The following CSMD1 variants were observed in gnomAD, a reference collection of about 807,000 sequenced individuals.
The protein encoded by CSMD1 is CUB and Sushi multiple domains 1.
In CSMD1, 213 loss-of-function variants were observed where a neutral mutation model predicts 417.5. That is an observed-to-expected ratio of 0.51 (90% CI 0.46 to 0.57). CSMD1 has a LOEUF of 0.57. Ranked by LOEUF, CSMD1 falls within the 20% of genes least tolerant of loss-of-function variation. CSMD1 has a pLI of 0.00. For missense variants in CSMD1, 6,923 were observed against 4,529.7 expected (o/e 1.53, Z -15.17); for synonymous variants, 2,862 against 1,736.8 (o/e 1.65, Z -16.11).
chr8:2,980,516 T>G (rs888663317), intron 54 of CSMD1, among the ~76,000 whole-genome samples: 1 of 152,166 alleles, frequency 6.6e-6, no homozygotes, highest in Non-Finnish European at 1.5e-5. Context: ...CATTTTCATC[T>G]TCTCTTTGGC....
intron 1 of CSMD1, among the ~76,000 whole-genome samples, chr8:4,983,190 T>C (rs1326362398): frequency 1.3e-5 from 2 of 152,190 alleles, no homozygotes; most frequent in African/African-American, 2.4e-5. Context: ...GCTAATTATG[T>C]TGACAAGTTC....
chr8:3,721,894 T>A (rs1350850865), intron 6 of CSMD1, among the ~76,000 whole-genome samples: 1 of 152,160 alleles, frequency 6.6e-6, no homozygotes, highest in Non-Finnish European at 1.5e-5. Flanking sequence ...GTTAAGTAGC[T>A]GACTGTCCAC....
At chr8:4,495,571 T>A (rs1286987974) in intron 2 of CSMD1, among the ~76,000 whole-genome samples, 2 of 138,058 alleles carry the variant, frequency 1.4e-5, no homozygotes, top group East Asian at 2.2e-4. Context: ...CAAGACTCCA[T>A]CTCAGAAAAA....
At chr8:4,003,847 A>ATTTAG (rs3031551) in intron 4 of CSMD1, among the ~76,000 whole-genome samples, 94,960 of 151,546 alleles carry the variant, frequency 0.63, 29,992 homozygotes, top group South Asian at 0.75. Flanking sequence ...TATGTGAACT[A>ATTTAG]TTTAATCACA....
At chr8:3,565,067 A>G (rs2116885066) in intron 10 of CSMD1, among the ~76,000 whole-genome samples, 1 of 141,258 alleles carries the variant, frequency 7.1e-6, no homozygotes, top group East Asian at 2.3e-4. Flanking sequence ...CTGCACATGG[A>G]CCCCTGAACT....
intron 1 of CSMD1, among the ~76,000 whole-genome samples, chr8:4,823,683 T>C (rs1007922182): frequency 6.6e-6 from 1 of 152,010 alleles, no homozygotes; most frequent in Non-Finnish European, 1.5e-5. Context: ...AAACAAGTAA[T>C]TCTCTATGGT....
chr8:3,145,043 T>TTG (rs34827109), intron 40 of CSMD1, among the ~76,000 whole-genome samples: 55,261 of 146,716 alleles, frequency 0.38, 12,733 homozygotes, highest in Non-Finnish European at 0.52. Flanking sequence ...GAGTAAAGAG[T>TTG]TGTGTGTGTG....
intron 5 of CSMD1, among the ~76,000 whole-genome samples, chr8:3,865,075 T>C (rs1261735719): frequency 6.6e-6 from 1 of 152,208 alleles, no homozygotes; most frequent in African/African-American, 2.4e-5. Flanking sequence ...ATGCCAACAG[T>C]GTTACTTTGG....
At chr8:3,452,873 AAT>A (rs1563052740) in intron 12 of CSMD1, among the ~76,000 whole-genome samples, 1 of 152,076 alleles carries the variant, frequency 6.6e-6, no homozygotes, top group Admixed American at 6.5e-5. Flanking sequence ...TATTGATTGG[AAT>A]AGTTTCAGAA....
chr8:3,391,300 T>C (rs1423075657), intron 17 of CSMD1, among the ~76,000 whole-genome samples: 1 of 152,216 alleles, frequency 6.6e-6, no homozygotes, highest in Non-Finnish European at 1.5e-5. Context: ...AAGTGATGAA[T>C]CTTTCTTCTG....
intron 10 of CSMD1, among the ~76,000 whole-genome samples, chr8:3,541,627 T>G (rs1027727919): frequency 6.7e-6 from 1 of 149,914 alleles, no homozygotes; most frequent in Non-Finnish European, 1.5e-5. Context: ...TTTTTACAGG[T>G]AGACGTTCTT....
intron 2 of CSMD1, among the ~76,000 whole-genome samples, chr8:4,436,789 A>AC (rs1464010724): frequency 6.6e-6 from 1 of 152,104 alleles, no homozygotes; most frequent in African/African-American, 2.4e-5. Context: ...TTCAGTGCCT[A>AC]CCTTATTTCA....
intron 3 of CSMD1, among the ~76,000 whole-genome samples, chr8:4,176,040 G>A (rs373832652): frequency 3.9e-5 from 6 of 152,240 alleles, no homozygotes; most frequent in East Asian, 3.9e-4. Flanking sequence ...GGGTTCCCAA[G>A]AAGCAGGAGC....
intron 12 of CSMD1, among the ~76,000 whole-genome samples, chr8:3,415,231 A>G (rs1813054370): frequency 6.6e-6 from 1 of 152,150 alleles, no homozygotes; most frequent in Non-Finnish European, 1.5e-5. Context: ...TTAATATACT[A>G]ATTACCTTAC....
At chr8:4,286,957 G>C (rs1797093043) in intron 3 of CSMD1, among the ~76,000 whole-genome samples, 1 of 152,156 alleles carries the variant, frequency 6.6e-6, no homozygotes, top group South Asian at 2.1e-4. Context: ...ATTCCATAGA[G>C]GCAGCTGAAG....
At chr8:3,553,018 G>A (rs1433354224) in intron 10 of CSMD1, among the ~76,000 whole-genome samples, 2 of 151,830 alleles carry the variant, frequency 1.3e-5, no homozygotes, top group Admixed American at 6.6e-5. Context: ...GTCAATTACT[G>A]GTAGTTTTGC....
chr8:4,781,978 T>C lies in CSMD1; in HGVS notation c.86-144420A>G, dbSNP rs541269175. ...AATGACAATAAAATAAACTCTGACT[T>C]CATTTCTCCAGAGTTTCCACTCTTG... On this transcript the variant is annotated intron_variant, in intron 1 of 69. Transcript: ENST00000635120. Among the ~76,000 whole-genome samples, 5 of 152,296 alleles carry C rather than the reference T, an allele frequency of 3.3e-5. No individual in the cohort carries two copies. In the East Asian group the frequency reaches 7.7e-4, roughly 24 times the overall value.
intron 8 of CSMD1, among the ~76,000 whole-genome samples, chr8:3,609,598 A>G (rs1440965236): frequency 6.6e-6 from 1 of 152,120 alleles, no homozygotes; most frequent in Non-Finnish European, 1.5e-5. Flanking sequence ...CAGCCTAAAA[A>G]AGTGAACTCT....
At chr8:3,248,934 C>T (rs1395321113) in intron 26 of CSMD1, among the ~76,000 whole-genome samples, 5 of 152,054 alleles carry the variant, frequency 3.3e-5, no homozygotes, top group Admixed American at 3.3e-4. Context: ...CTTTTCTAGT[C>T]AGAAAAATTG....
Sources: allele counts gnomAD v4.1 joint callset (sites outside exome capture counted in the v4.1 genomes callset), GRCh38; gene constraint gnomAD v4.1.1; transcripts MANE v1.5; gene names NCBI Gene and HGNC (gene_info 2026-07-23, HGNC 2026-07-21).